The following HS6ST2 variants were observed in gnomAD, a reference collection of about 807,000 sequenced individuals.
The protein encoded by HS6ST2 is heparan sulfate 6-O-sulfotransferase 2, also known as heparan-sulfate 6-O-sulfotransferase 2.
Under a neutral mutation model 33.0 loss-of-function variants are expected in HS6ST2, and 17 were observed. The ratio of observed to expected loss-of-function variants is 0.52; its 90% CI spans 0.35 to 0.77. The LOEUF (loss-of-function observed/expected upper bound fraction) is 0.77, where lower values mean the gene tolerates loss of function less well. Among genes scored for constraint, HS6ST2 ranks in the 30% least tolerant of loss-of-function variants. HS6ST2 has a pLI of 0.01. For synonymous variants in HS6ST2, 248 were observed against 237.1 expected (o/e 1.05, Z -0.42); for missense variants, 519 against 551.7 (o/e 0.94, Z 0.59).
intron 2 of HS6ST2, among the ~76,000 whole-genome samples, chrX:132,728,325 A>G (rs1030018034): frequency 5.3e-5 from 6 of 112,158 alleles, no homozygotes; most frequent in South Asian, 7.5e-4. Context: ...GAGTTCCACT[A>G]AATTGGAAAC....
At chrX:132,924,243 A>G (rs2066686402) in intron 2 of HS6ST2, among the ~76,000 whole-genome samples, 1 of 112,021 alleles carries the variant, frequency 8.9e-6, no homozygotes, top group Non-Finnish European at 1.9e-5. Context: ...CAAAAATCTG[A>G]TAATATAAAT....
intron 2 of HS6ST2, among the ~76,000 whole-genome samples, chrX:132,841,591 A>G (rs967590108): frequency 3.2e-4 from 36 of 111,955 alleles, no homozygotes; most frequent in African/African-American, 9.4e-4. Flanking sequence ...GGGTGCTGGC[A>G]GCAGCAGTCA....
intron 2 of HS6ST2, among the ~76,000 whole-genome samples, chrX:132,847,271 G>T (rs2065759723): frequency 9.0e-6 from 1 of 111,431 alleles, no homozygotes; most frequent in Non-Finnish European, 1.9e-5. Context: ...TTCTGGGCTG[G>T]ATAATTCTTT....
chrX:132,787,182 TATATACATATATATATAC>T (rs1166761023), intron 2 of HS6ST2, among the ~76,000 whole-genome samples: 2 of 81,779 alleles, frequency 2.4e-5, no homozygotes, highest in African/African-American at 1.1e-4. Flanking sequence ...TATATATATA[TATATACATATATATATAC>T]ACATATATAT....
chrX:132,665,421 A>G (rs900362391), intron 4 of HS6ST2, among the ~76,000 whole-genome samples: 1 of 111,607 alleles, frequency 9.0e-6, no homozygotes, highest in African/African-American at 3.3e-5. Flanking sequence ...AAAGTGACTT[A>G]CCTTTCTTGA....
chrX:132,873,044 G>C (rs2148432172), intron 2 of HS6ST2, among the ~76,000 whole-genome samples: 1 of 111,367 alleles, frequency 9.0e-6, no homozygotes, highest in African/African-American at 3.3e-5. Flanking sequence ...ATTAAGGCCA[G>C]TTAAACATCT....
At chrX:132,746,620 C>T (rs887383831) in intron 2 of HS6ST2, among the ~76,000 whole-genome samples, 15 of 112,498 alleles carry the variant, frequency 1.3e-4, no homozygotes, top group Non-Finnish European at 2.1e-4. Flanking sequence ...CCACCTCACT[C>T]CCTCTGCCTA....
intron 2 of HS6ST2, among the ~76,000 whole-genome samples, chrX:132,941,294 C>G (rs2066884043): frequency 8.9e-6 from 1 of 111,739 alleles, no homozygotes; most frequent in African/African-American, 3.3e-5. Flanking sequence ...CTGAGCTAAT[C>G]TGGCTGCATT....
intron 2 of HS6ST2, among the ~76,000 whole-genome samples, chrX:132,903,321 C>A (rs186606228): frequency 9.0e-6 from 1 of 111,409 alleles, no homozygotes; most frequent in Admixed American, 9.6e-5. Context: ...GGAAAACATC[C>A]CATGTGCATG....
intron 2 of HS6ST2, among the ~76,000 whole-genome samples, chrX:132,834,233 C>T (rs2065620148): frequency 8.9e-6 from 1 of 111,784 alleles, no homozygotes; most frequent in Admixed American, 9.5e-5. Flanking sequence ...TACTATGCAC[C>T]AAGCCCTGGG....
At chrX:132,682,601 A>G (rs1365000527) in intron 3 of HS6ST2, among the ~76,000 whole-genome samples, 1 of 106,549 alleles carries the variant, frequency 9.4e-6, no homozygotes, top group African/African-American at 3.4e-5. Flanking sequence ...TCTTAGAATT[A>G]TGGATTTTTA....
At chrX:132,898,191 T>A (rs2066394097) in intron 2 of HS6ST2, among the ~76,000 whole-genome samples, 1 of 109,659 alleles carries the variant, frequency 9.1e-6, no homozygotes, top group Non-Finnish European at 1.9e-5. Flanking sequence ...CCTCCCCCTG[T>A]CCGTGGAAAA....
At chrX:132,702,689 C>T (rs1439075883) in intron 3 of HS6ST2, among the ~76,000 whole-genome samples, 1 of 111,973 alleles carries the variant, frequency 8.9e-6, no homozygotes, top group Non-Finnish European at 1.9e-5. Context: ...TGATCACTCT[C>T]CAACTGTCTG....
At chrX:132,960,786 T>C (rs1207262577), upstream of HS6ST2, among the ~76,000 whole-genome samples, 1 of 111,745 alleles carries the variant, frequency 8.9e-6, no homozygotes, top group African/African-American at 3.3e-5. Flanking sequence ...CCCCTCATGC[T>C]GTGAGGAACA....
intron 2 of HS6ST2, among the ~76,000 whole-genome samples, chrX:132,722,403 G>C (rs2064341765): frequency 9.0e-6 from 1 of 111,469 alleles, no homozygotes; most frequent in Non-Finnish European, 1.9e-5. Flanking sequence ...TTTAAGGACA[G>C]TTAAAAGCTT....
At chrX:132,836,685 T>A (rs1340156627) in intron 2 of HS6ST2, among the ~76,000 whole-genome samples, 1 of 112,891 alleles carries the variant, frequency 8.9e-6, no homozygotes, top group East Asian at 2.8e-4. Flanking sequence ...CTTATCTGTA[T>A]CCCAGATCCT....
At chrX:132,831,844 T>C (rs1466349478) in intron 2 of HS6ST2, among the ~76,000 whole-genome samples, 1 of 112,115 alleles carries the variant, frequency 8.9e-6, no homozygotes, top group Non-Finnish European at 1.9e-5. Flanking sequence ...CCTTTCAGTA[T>C]AAAAAGCCTG....
At chrX:132,958,052 G>A in intron 1 of HS6ST2, 123 bp downstream of exon 1, 5 of 687,374 alleles carry the variant, frequency 7.3e-6, no homozygotes, top group Non-Finnish European at 8.1e-6. Context: ...ACCCTAGCCG[G>A]GCCACCAATG....
rs2063480257 is a variant in HS6ST2, at chrX:132,626,217, T to C, written c.*2006A>G. ...AAATGCACTTAATCTTTGCAAATCA[T>C]GCACACCACAGCAATAACACAAAAT... On this transcript the variant is annotated 3_prime_UTR_variant, in exon 5 of 5. Coordinates refer to ENST00000370833, the MANE Select transcript of HS6ST2 (RefSeq NM_001394073.1). The C allele has an allele frequency of 8.9e-6, 1 of 112,546 alleles. No homozygotes were observed. The highest frequency in any genetic ancestry group is 3.2e-5 in the African/African-American group (1 of 30,910). The allele number at this position is 112,546 out of a possible 1,213,427, so 9.3% of individuals were successfully genotyped here.
Sources: allele counts gnomAD v4.1 joint callset (sites outside exome capture counted in the v4.1 genomes callset), GRCh38; gene constraint gnomAD v4.1.1; transcripts MANE v1.5; gene names NCBI Gene and HGNC (gene_info 2026-07-23, HGNC 2026-07-21).